The following SPTBN2 variants were observed in gnomAD, a reference collection of about 807,000 sequenced individuals.
SPTBN2 encodes the protein spectrin beta, non-erythrocytic 2.
SPTBN2 carries 107 observed loss-of-function variants against 284.2 expected under a neutral mutation model. The observed-to-expected ratio is 0.38, with a 90% CI of 0.32 to 0.44. The LOEUF is 0.44. Ranked by LOEUF, SPTBN2 falls within the 20% of genes least tolerant of loss-of-function variation. The probability of loss-of-function intolerance (pLI) is 1.00; values close to 1 mark genes in which losing one functional copy is unlikely to be tolerated. For missense variants in SPTBN2, 2,569 were observed against 3,287.1 expected (o/e 0.78, Z 5.34); for synonymous variants, 1,289 against 1,354.8 (o/e 0.95, Z 1.07).
chr11:66,744,639 C>G (rs746355242), exon 1 of SPTBN2: 3 of 342,362 alleles, frequency 8.8e-6, no homozygotes, highest in African/African-American at 2.2e-5. Context: ...CTAGGTGGCT[C>G]CCGGCGGCGG....
At position 66,701,149 on chromosome 11, in the gene SPTBN2, T is replaced by G; in HGVS notation, c.2950A>C (p.Thr984Pro). ...MREKTKVIES[T>P]QGLGNDLAGV... is the part of the protein sequence containing the mutation. ...GCCAGATCGTTGCCTAGGCCCTGGGTGGACTCGATGACTTTGGTCTTCTCT... is the reference window on the plus strand; with the variant it reads ...GCCAGATCGTTGCCTAGGCCCTGGGGGGACTCGATGACTTTGGTCTTCTCT... The change falls in exon 17 of 38, where the codon ACC becomes CCC. Residue 984 changes from threonine to proline, a missense_variant. Physicochemically the swap from Thr to Pro is conservative, Grantham distance 38. Transcript: ENST00000533211. 1 of 1,613,152 alleles carries G rather than the reference T, an allele frequency of 6.2e-7. No homozygotes were observed. The highest frequency in any genetic ancestry group is 8.5e-7 in the Non-Finnish European group (1 of 1,180,030).
chr11:66,694,643 T>A (rs1442892694), intron 21 of SPTBN2, among the ~76,000 whole-genome samples: 1 of 152,198 alleles, frequency 6.6e-6, no homozygotes. Flanking sequence ...ATATAACTTA[T>A]AACAAACCTG....
rs748304604 is a variant in SPTBN2 at position 66,694,235 on chromosome 11, C to G, written c.4407G>C (p.Lys1469Asn). The G allele has an allele frequency of 1.2e-6, 2 of 1,614,010 alleles. No individual in the cohort carries two copies. The highest frequency in any genetic ancestry group is 1.7e-6 in the Non-Finnish European group (2 of 1,180,038). The change falls in exon 22 of 38, where the codon AAG (lysine) becomes AAC (asparagine). Residue 1469 changes from lysine to asparagine, a missense_variant. By Grantham distance (94) the Lys-to-Asn change is moderately conservative (BLOSUM62 0). This residue lies in a region of SPTBN2 where 1,130 missense variants were observed against 1,317.3 expected (regional missense o/e 0.86). Transcript: ENST00000533211. ...VERTSRAVEE[K>N]FRALCQPMRE... ...GCATGGGCTGGCACAAGGCCCTGAA[C>G]TTCTCCTCCACGGCCCTCGAGGTTC...
At position 66,713,549 on chromosome 11, in the gene SPTBN2, C is replaced by A; in HGVS notation, c.772+82G>T. ...TCAGTTGGTGGTTACTCCATGTCTT[C>A]CCCCTCCGCAGCCCCTGGCAACCAC... On this transcript the variant is annotated intron_variant, in intron 8 of 37. Transcript: ENST00000533211. The A allele has an allele frequency of 1.9e-5, 20 of 1,041,968 alleles. No individual in the cohort carries two copies. In the South Asian group the frequency reaches 2.4e-4, roughly 12 times the overall value. 64.5% of individuals were successfully genotyped at this position (1,041,968 alleles called of 1,614,324 possible). A position where few individuals can be genotyped will look rare whatever the true frequency, so the allele number is the denominator to read the frequency against.
intron 3 of SPTBN2, among the ~76,000 whole-genome samples, chr11:66,716,674 C>G (rs1942166653): frequency 6.6e-6 from 1 of 152,152 alleles, no homozygotes; most frequent in Admixed American, 6.5e-5. Flanking sequence ...ACATCACTTT[C>G]TACTTCAACA....
chr11:66,691,280 A>C lies in SPTBN2; in HGVS notation c.5565+4T>G. On this transcript the variant is annotated splice_donor_region_variant and intron_variant, in intron 27 of 37. Transcript: ENST00000533211. This position sits in a 1 kb window ranked among gnomAD's most constrained non-coding sequence, Gnocchi z 8.0. ...TCCCCCACCTCCTCATGCTTGGGTCAGACCTGGGGGCTGAGGGCCTGAATG... is the reference window on the plus strand; with the variant it reads ...TCCCCCACCTCCTCATGCTTGGGTCCGACCTGGGGGCTGAGGGCCTGAATG... 6.6e-7 allele frequency: 1 copy of C among 1,523,714 alleles called. No homozygotes were observed. Among genetic ancestry groups the C allele is most frequent in the South Asian group, 1.3e-5 (1 of 76,914 alleles). The allele number at this position is 1,523,714 out of a possible 1,614,324, so 94.4% of individuals were successfully genotyped here. A position where few individuals can be genotyped will look rare whatever the true frequency, so the allele number is the denominator to read the frequency against.
chr11:66,719,797 T>A (rs1942310503), intron 3 of SPTBN2, among the ~76,000 whole-genome samples: 3 of 152,196 alleles, frequency 2.0e-5, no homozygotes, highest in Non-Finnish European at 2.9e-5. Context: ...AGAGGCTACA[T>A]GAATCCAAAA....
chr11:66,701,516 G>C (rs929927367), intron 16 of SPTBN2, 68 bp downstream of exon 16: 1 of 1,611,830 alleles, frequency 6.2e-7, no homozygotes, highest in East Asian at 2.2e-5. Flanking sequence ...TACAAAACCT[G>C]CCTCTCACTG....
In SPTBN2 at chr11:66,715,741, C is replaced by CTAGGAAGGAAGCAA; in HGVS notation, c.309+88_309+89insTTGCTTCCTTCCTA. The CTAGGAAGGAAGCAA allele has an allele frequency of 6.5e-7, 1 of 1,548,958 alleles. No homozygotes were observed. The highest frequency in any genetic ancestry group is 8.8e-7 in the Non-Finnish European group (1 of 1,142,290). ...GGAGCCACTGCTTCCCGCCCTGTGC[C>CTAGGAAGGAAGCAA]GTCACTCTCTCTGAGGGCTGTTCTT... On this transcript the variant is annotated intron_variant, in intron 4 of 37. Transcript: ENST00000533211. This position sits in a 1 kb window ranked among gnomAD's most constrained non-coding sequence, Gnocchi z 5.3.
At chr11:66,712,302 G>A (rs1037912471) in intron 8 of SPTBN2, among the ~76,000 whole-genome samples, 3 of 152,190 alleles carry the variant, frequency 2.0e-5, no homozygotes, top group Admixed American at 6.5e-5. Context: ...TTATCACAGC[G>A]CATTGGGAGG....
At chr11:66,699,964 T>C (rs560500396) in intron 17 of SPTBN2, among the ~76,000 whole-genome samples, 25 of 152,294 alleles carry the variant, frequency 1.6e-4, no homozygotes, top group African/African-American at 5.3e-4. Context: ...CTTTTTTCTT[T>C]TTCTTTTTTT....
rs771090368 is a variant in SPTBN2, at chr11:66,707,694, G to A, written c.1475C>T (p.Ala492Val). 1.2e-6 allele frequency: 2 copies of A among 1,605,268 alleles called. No individual in the cohort carries two copies. Among genetic ancestry groups the A allele is most frequent in the Non-Finnish European group, 1.7e-6 (2 of 1,179,228 alleles). Residue 492 changes from alanine to valine, a missense_variant, in exon 13 of 38, where the codon GCC becomes GTC. Around this residue, in one of 6 missense-constraint regions of SPTBN2, gnomAD observed 1,012 missense variants for 1,248.9 expected, o/e 0.81. Transcript: ENST00000533211. The surrounding 1 kb of genome is among the most constrained non-coding windows in gnomAD (Gnocchi z 4.9). ...CTTGATGTCGTGGTAGCGCTCGGCG[G>A]CCAGCTCTGCAGCCACGGCGTCCAC... ...QAVDAVAAEL[A>V]AERYHDIKRI...
chr11:66,696,337 C>G lies in SPTBN2; in HGVS notation c.4218G>C (p.Leu1406=). 1 of 1,613,320 alleles carries G rather than the reference C, an allele frequency of 6.2e-7. No individual in the cohort carries two copies. Residue 1406 remains leucine (L), a synonymous_variant, in exon 21 of 38, where the codon CTG becomes CTC. Transcript: ENST00000533211. ...ESWLESLQAQ[L]HSDDYGKDLT... ...GGTCCTTGCCGTAGTCATCCGAGTG[C>G]AGCTGGGCCTGCAGGCTCTCCAGCC... is the stretch of plus-strand genomic sequence containing the variant.
chr11:66,720,545 A>G (rs1305473027), intron 3 of SPTBN2, among the ~76,000 whole-genome samples: 1 of 152,162 alleles, frequency 6.6e-6, no homozygotes, highest in Non-Finnish European at 1.5e-5. Context: ...ACCAGGGAGA[A>G]TGGGCGGCTG....
At chr11:66,688,349 C>A (rs776813030) in intron 31 of SPTBN2, 38 bp from the exon 32 acceptor site, 2 of 1,553,652 alleles carry the variant, frequency 1.3e-6, no homozygotes, top group Non-Finnish European at 1.7e-6. Flanking sequence ...TAGAAGGTTG[C>A]GTGTAAGAGG....
At position 66,682,735 on chromosome 11, in the gene SPTBN2, G is replaced by C. The variant is rs1170059471; in HGVS notation, c.*3136C>G. ...AGTCCACTCTTGTAGGTGATGTTAA[G>C]AATGCAAATATATTTTTCTCTACAT... On this transcript the variant is annotated 3_prime_UTR_variant, in exon 38 of 38. Transcript: ENST00000533211. Among the ~76,000 whole-genome samples the C allele has an allele frequency of 6.6e-6, 1 of 152,020 alleles. No homozygotes were observed. The highest frequency in any genetic ancestry group is 1.5e-5 in the Non-Finnish European group (1 of 68,008).
intron 14 of SPTBN2, 89 bp downstream of exon 14, chr11:66,705,595 C>T (rs113586368): frequency 4.3e-5 from 69 of 1,602,094 alleles, no homozygotes; most frequent in African/African-American, 4.3e-4. Flanking sequence ...CCATCTTTCC[C>T]GTCCCCAGGT....
Position 66,715,485 on chromosome 11 carries a change from C to G in SPTBN2, c.310-90G>C, listed in dbSNP as rs1202093426. On this transcript the variant is annotated intron_variant, in intron 4 of 37. Coordinates refer to ENST00000533211, the MANE Select transcript of SPTBN2 (RefSeq NM_006946.4). The surrounding 1 kb of genome is among the most constrained non-coding windows in gnomAD (Gnocchi z 5.3). The stretch of plus-strand genomic sequence containing the variant: ...CAGGGCCCAGCTTTGCACACCTTCC[C>G]CATGACCTACCTCAGGAACACAGAC... 32 of 1,487,480 alleles carry G rather than the reference C, an allele frequency of 2.2e-5. No individual in the cohort carries two copies. The highest frequency in any genetic ancestry group is 2.9e-5 in the Non-Finnish European group (32 of 1,101,776). The allele number at this position is 1,487,480 out of a possible 1,614,324, so 92.1% of individuals were successfully genotyped here.
chr11:66,741,274 A>C lies in SPTBN2; in HGVS notation c.-475+3268T>G, dbSNP rs112622613. 8.5e-5 allele frequency among the ~76,000 whole-genome samples: 13 copies of C among 152,166 alleles called. 1 individual carries two copies. Among genetic ancestry groups the C allele is most frequent in the African/African-American group, 3.1e-4 (13 of 41,530 alleles). ...CTGATAGTGAATTAGTTCTCAAGAG[A>C]TCTGATGGTTTTATAAGGGGCTTCC... On this transcript the variant is annotated intron_variant, in intron 1 of 37. Transcript: ENST00000611817.
Sources: gnomAD v4.1 joint callset for allele counts (sites outside exome capture counted in the v4.1 genomes callset) on GRCh38, gnomAD v4.1.1 for gene constraint, gnomAD v4.1.1 regional missense constraint, Gnocchi (gnomAD v3.1) non-coding constraint, MANE v1.5 for transcripts, NCBI Gene and HGNC (gene_info 2026-07-23, HGNC 2026-07-21) for gene names.